Variants in SCFD2 observed in about 807,000 individuals in gnomAD.
SCFD2 encodes the protein sec1 family domain containing 2.
In SCFD2, 54 loss-of-function variants were observed where a neutral mutation model predicts 58.9. The observed-to-expected ratio is 0.92, with a 90% CI of 0.74 to 1.15. The LOEUF (loss-of-function observed/expected upper bound fraction) is 1.15, where lower values mean the gene tolerates loss of function less well. Among genes scored for constraint, SCFD2 ranks in the 50% most tolerant of loss-of-function variants. The pLI is 0.00. For missense variants in SCFD2, 805 were observed against 836.6 expected (o/e 0.96, Z 0.47); for synonymous variants, 321 against 335.9 (o/e 0.96, Z 0.49).
intron 5 of SCFD2, among the ~76,000 whole-genome samples, chr4:52,993,479 T>C (rs956164787): frequency 2.0e-5 from 3 of 152,272 alleles, no homozygotes; most frequent in East Asian, 1.9e-4. Flanking sequence ...ATCATCAAAG[T>C]ACTTTCAGTG....
At chr4:52,874,156 G>T (rs546841458) in intron 8 of SCFD2, 95 bp from the exon 9 acceptor site, 2 of 860,674 alleles carry the variant, frequency 2.3e-6, no homozygotes, top group Admixed American at 1.9e-5. Context: ...AAATGTCTTT[G>T]GGGGAGGGCA....
intron 4 of SCFD2, among the ~76,000 whole-genome samples, chr4:53,148,061 A>G (rs1317249744): frequency 6.6e-6 from 1 of 152,206 alleles, no homozygotes; most frequent in Non-Finnish European, 1.5e-5. Context: ...GATGACAATA[A>G]ACAGATTCTT....
chr4:53,283,953 C>T (rs534198653), intron 3 of SCFD2, among the ~76,000 whole-genome samples: 63 of 151,544 alleles, frequency 4.2e-4, no homozygotes, highest in African/African-American at 1.5e-3. Flanking sequence ...CCCGTCTCTA[C>T]TAAAAATACA....
chr4:53,051,419 C>A (rs1258735920), intron 5 of SCFD2, among the ~76,000 whole-genome samples: 1 of 152,114 alleles, frequency 6.6e-6, no homozygotes, highest in Non-Finnish European at 1.5e-5. Context: ...CCTCTCCAAT[C>A]TTCTATACCA....
intron 2 of SCFD2, among the ~76,000 whole-genome samples, chr4:53,315,265 C>G (rs1006672439): frequency 7.0e-6 from 1 of 142,636 alleles, no homozygotes; most frequent in African/African-American, 2.7e-5. Flanking sequence ...AAAAAAAAAG[C>G]CTTCAAGAAA....
At position 53,320,562 on chromosome 4, in the gene SCFD2, A is replaced by C. The variant is rs757885834; in HGVS notation, c.1008-6799T>G. Among the ~76,000 whole-genome samples, 8 of 152,330 alleles carry C rather than the reference A, an allele frequency of 5.3e-5. No homozygotes were observed. In the Middle Eastern group the frequency reaches 0.01, roughly 194 times the overall value. On this transcript the variant is annotated intron_variant, in intron 2 of 8. Transcript: ENST00000401642. Reference sequence around the variant, plus strand: ...AACCTGGGAGGTGGAAGTTGCAGTGAGTTGAGATTGCACCACTGCACTCCA... The same window carrying C: ...AACCTGGGAGGTGGAAGTTGCAGTGCGTTGAGATTGCACCACTGCACTCCA...
rs530067701 is a variant in SCFD2, at chr4:53,273,986, C to T, written c.1151G>A (p.Gly384Glu). The change falls in exon 4 of 9, where the codon GGA becomes GAA. Residue 384 changes from glycine (G) to glutamate (E), a missense_variant. Transcript: ENST00000401642. Reference protein sequence around the residue: ...IKMSMGRVTPGQLMSYIQLFK... With the variant: ...IKMSMGRVTPEQLMSYIQLFK... ...GAGCTGAATATAGGACATGAGCTGT[C>T]CCGGTGTGACTCTCCCTGGAAACAT... The T allele has an allele frequency of 2.4e-5, 38 of 1,609,836 alleles. 1 individual carries two copies. The South Asian group carries it at 3.7e-4, about 16-fold the overall frequency.
At chr4:53,198,346 G>A (rs1475308638) in intron 4 of SCFD2, among the ~76,000 whole-genome samples, 3 of 151,586 alleles carry the variant, frequency 2.0e-5, no homozygotes, top group Non-Finnish European at 4.4e-5. Context: ...TTAAGGGGAC[G>A]GGCTGTTATA....
At chr4:53,213,052 A>G (rs1193408120) in intron 4 of SCFD2, among the ~76,000 whole-genome samples, 1 of 152,110 alleles carries the variant, frequency 6.6e-6, no homozygotes, top group Non-Finnish European at 1.5e-5. Flanking sequence ...AATAATGATA[A>G]ATGAAGTGTG....
At chr4:53,291,322 T>C (rs1455657686) in intron 3 of SCFD2, among the ~76,000 whole-genome samples, 1 of 152,124 alleles carries the variant, frequency 6.6e-6, no homozygotes, top group Non-Finnish European at 1.5e-5. Context: ...AGCATTTCTT[T>C]ACACCAACAA....
At chr4:53,139,147 A>T (rs1434665143) in intron 5 of SCFD2, among the ~76,000 whole-genome samples, 1 of 152,224 alleles carries the variant, frequency 6.6e-6, no homozygotes, top group East Asian at 1.9e-4. Flanking sequence ...CCGGGATTGC[A>T]GACGGAGTCT....
intron 5 of SCFD2, among the ~76,000 whole-genome samples, chr4:53,019,183 A>T (rs1722287648): frequency 6.6e-6 from 1 of 152,254 alleles, no homozygotes; most frequent in African/African-American, 2.4e-5. Context: ...ATTTATGCAC[A>T]AGGATGTTCA....
At chr4:53,350,963 G>A (rs532931030) in intron 2 of SCFD2, among the ~76,000 whole-genome samples, 54 of 152,292 alleles carry the variant, frequency 3.5e-4, no homozygotes, top group African/African-American at 1.3e-3. Flanking sequence ...ACCAGCCTCA[G>A]CCTCCCAAAG....
chr4:53,272,402 G>GT (rs1178065252), intron 4 of SCFD2, among the ~76,000 whole-genome samples: 1 of 152,146 alleles, frequency 6.6e-6, no homozygotes, highest in Non-Finnish European at 1.5e-5. Flanking sequence ...ACATGCACAC[G>GT]TATGTTTATT....
intron 4 of SCFD2, among the ~76,000 whole-genome samples, chr4:53,213,398 C>T (rs992918890): frequency 7.2e-5 from 11 of 152,050 alleles, no homozygotes; most frequent in African/African-American, 2.7e-4. Context: ...TGATTCATTT[C>T]TCATCAGGGA....
chr4:53,094,582 A>T (rs1459993130), intron 5 of SCFD2, among the ~76,000 whole-genome samples: 4 of 152,028 alleles, frequency 2.6e-5, no homozygotes, highest in African/African-American at 7.2e-5. Flanking sequence ...TTTAACATAT[A>T]ACATCAGGAG....
intron 6 of SCFD2, among the ~76,000 whole-genome samples, chr4:52,911,540 C>T (rs1028977737): frequency 2.0e-5 from 3 of 152,054 alleles, no homozygotes; most frequent in East Asian, 1.9e-4. Flanking sequence ...TGTAGGTGCA[C>T]ATTTATATAG....
At chr4:53,314,929 T>C (rs970248075) in intron 2 of SCFD2, among the ~76,000 whole-genome samples, 10 of 152,242 alleles carry the variant, frequency 6.6e-5, no homozygotes, top group Admixed American at 5.9e-4. Flanking sequence ...GCATCTAATA[T>C]TCTTAAGTTT....
chr4:52,907,706 ATATGTGTG>A, intron 6 of SCFD2, 115 bp from the exon 7 acceptor site: 2 of 846,004 alleles, frequency 2.4e-6, no homozygotes, highest in Non-Finnish European at 3.8e-6. Flanking sequence ...AGCAATGCCT[ATATGTGTG>A]TGTGTGTGTG....
Sources: allele counts gnomAD v4.1 joint callset (sites outside exome capture counted in the v4.1 genomes callset), GRCh38; gene constraint gnomAD v4.1.1; transcripts MANE v1.5; gene names NCBI Gene and HGNC (gene_info 2026-07-23, HGNC 2026-07-21).